The following MYH8 variants were observed in gnomAD, a reference collection of about 807,000 sequenced individuals.
MYH8 encodes myosin heavy chain 8, also known as myosin-8.
Under a neutral mutation model 233.2 loss-of-function variants are expected in MYH8, and 168 were observed. The ratio of observed to expected loss-of-function variants is 0.72; its 90% confidence interval spans 0.64 to 0.82. The LOEUF is 0.82. Among genes scored for constraint, MYH8 ranks in the 40% least tolerant of loss-of-function variants. The probability of loss-of-function intolerance (pLI) is 0.00; values close to 1 mark genes in which losing one functional copy is unlikely to be tolerated. For synonymous variants in MYH8, 785 were observed against 850.6 expected (o/e 0.92, Z 1.34); for missense variants, 1,995 against 2,327.8 (o/e 0.86, Z 2.94).
chr17:10,411,516 T>C (rs1253048131), intron 14 of MYH8, among the ~76,000 whole-genome samples: 1 of 152,214 alleles, frequency 6.6e-6, no homozygotes, highest in African/African-American at 2.4e-5. Flanking sequence ...TGGGCAAGAA[T>C]ATACTTTAAA....
At position 10,406,330 on chromosome 17, in the gene MYH8, T is replaced by C; in HGVS notation, c.2239A>G (p.Lys747Glu). Reference protein sequence around the residue: ...QFIDSKKASEKLLASIDIDHT... With the variant: ...QFIDSKKASEELLASIDIDHT... ...TCAATATCAATAGATGCAAGAAGTT[T>C]CTCAGAAGCCTTCTTGCTGTCAATG... The change falls in exon 20 of 40, where the codon AAA becomes GAA. Residue 747 changes from lysine to glutamate, a missense_variant. Lys to Glu is a moderately conservative substitution (Grantham distance 56, BLOSUM62 1). Transcript: ENST00000403437. 6.2e-7 allele frequency: 1 copy of C among 1,613,990 alleles called. No homozygotes were observed. The highest frequency in any genetic ancestry group is 8.5e-7 in the Non-Finnish European group (1 of 1,179,856).
At position 10,406,817 on chromosome 17, in the gene MYH8, T is replaced by C. The variant is rs764742226; in HGVS notation, c.2054-10A>G. 6.2e-7 allele frequency: 1 copy of C among 1,613,980 alleles called. No homozygotes were observed. The highest frequency in any genetic ancestry group is 1.1e-5 in the South Asian group (1 of 91,076). On this transcript the variant is annotated splice_polypyrimidine_tract_variant and intron_variant, in intron 18 of 39. Transcript: ENST00000403437. ...TCATGTTCCATTGCCCCTAAAAATATAGAACAGTACTTATTAGTGGGCATT... is the reference window on the plus strand; with the variant it reads ...TCATGTTCCATTGCCCCTAAAAATACAGAACAGTACTTATTAGTGGGCATT...
intron 28 of MYH8, 108 bp from the exon 29 acceptor site, chr17:10,398,994 G>GTGTATATATATATATATATATA (rs1555555758): frequency 3.3e-5 from 10 of 305,194 alleles, no homozygotes; most frequent in African/African-American, 2.4e-4. Flanking sequence ...ATGTGTGTGT[G>GTGTATATATATATATATATATA]TATATATATA....
At chr17:10,398,314 A>C in intron 30 of MYH8, 130 bp downstream of exon 30, 2 of 1,329,598 alleles carry the variant, frequency 1.5e-6, no homozygotes, top group South Asian at 1.2e-5. Context: ...ACATGCATAC[A>C]TTATATATAT....
rs1567685307 is a variant in MYH8 at position 10,404,454 on chromosome 17, A to T, written c.2564T>A (p.Met855Lys). Residue 855 changes from methionine (M) to lysine (K), a missense_variant, in exon 22 of 40, where the codon ATG becomes AAG. Physicochemically the swap from Met to Lys is moderately conservative, Grantham distance 95. This residue lies in a region of MYH8 where 1,498 missense variants were observed against 1,680.9 expected (regional missense o/e 0.89). Transcript: ENST00000403437. ...SAETEKEMATMKEEFQKTKDE... is the reference protein window; with the variant it reads ...SAETEKEMATKKEEFQKTKDE... ...TTTGGTTTTCTGGAATTCTTCCTTC[A>T]TGGTGGCCATCTCTTTCTCGGTCTC... 1 of 1,613,746 alleles carries T rather than the reference A, an allele frequency of 6.2e-7. No homozygotes were observed.
intron 22 of MYH8, among the ~76,000 whole-genome samples, chr17:10,403,340 A>G (rs1268511910): frequency 6.6e-6 from 1 of 152,218 alleles, no homozygotes; most frequent in Non-Finnish European, 1.5e-5. Flanking sequence ...AAATCAATCC[A>G]GTCTAATTTA....
At chr17:10,410,572 T>C (rs1472709512) in intron 15 of MYH8, among the ~76,000 whole-genome samples, 1 of 152,212 alleles carries the variant, frequency 6.6e-6, no homozygotes, top group African/African-American at 2.4e-5. Context: ...AGTGTCAGAA[T>C]AAGAATGGTT....
Position 10,390,497 on chromosome 17 carries a change from C to T in MYH8, c.5771G>A (p.Arg1924Gln), listed in dbSNP as rs762026764. Residue 1924 changes from arginine to glutamine, a missense_variant, in exon 40 of 40, where the codon CGA becomes CAA. This residue lies in a region of MYH8 where 1,498 missense variants were observed against 1,680.9 expected (regional missense o/e 0.89). Transcript: ENST00000403437. ...DIAESQVNKL[R>Q]VKSREVHTKI... ...TGTGTGAACCTCTCGGCTCTTCACT[C>T]GCAATTTGTTGACCTGGGACTCAGC... 5.6e-6 allele frequency: 9 copies of T among 1,614,106 alleles called. No individual in the cohort carries two copies. Among genetic ancestry groups the T allele is most frequent in the African/African-American group, 2.7e-5 (2 of 75,052 alleles).
chr17:10,400,106 G>A lies in MYH8; in HGVS notation c.3735+284C>T, dbSNP rs1406627187. 2.6e-5 allele frequency among the ~76,000 whole-genome samples: 4 copies of A among 152,278 alleles called. No individual in the cohort carries two copies. Among genetic ancestry groups the A allele is most frequent in the African/African-American group, 7.2e-5 (3 of 41,558 alleles). On this transcript the variant is annotated intron_variant, in intron 27 of 39. Transcript: ENST00000403437. The surrounding 1 kb of genome is among the most constrained non-coding windows in gnomAD (Gnocchi z 4.0). ...TAGTCCCAGCTACTGGGGAGGCTGA[G>A]GCAGGAGAGTGGCGTGAACCCGGGA...
chr17:10,412,301 A>G (rs1444287675), intron 14 of MYH8, 69 bp downstream of exon 14: 3 of 1,613,870 alleles, frequency 1.9e-6, no homozygotes, highest in Middle Eastern at 1.7e-4. Flanking sequence ...ATGTGGATGA[A>G]TAATGATAAT....
chr17:10,411,879 C>A (rs2072247003), intron 14 of MYH8, among the ~76,000 whole-genome samples: 1 of 152,096 alleles, frequency 6.6e-6, no homozygotes, highest in South Asian at 2.1e-4. Flanking sequence ...TGAACTGATG[C>A]CCTGGAGGTA....
In MYH8 at chr17:10,414,442, T is replaced by C. The variant is rs2072271778; in HGVS notation, c.848A>G (p.Glu283Gly). The C allele has an allele frequency of 1.9e-6, 3 of 1,613,508 alleles. No homozygotes were observed. Among genetic ancestry groups the C allele is most frequent in the South Asian group, 2.2e-5 (2 of 91,068 alleles). Reference protein sequence around the residue: ...KSRVTFQLKAERSYHIFYQIT... With the variant: ...KSRVTFQLKAGRSYHIFYQIT... ...CTGATAAAAAATATGGTAGCTTCTTTCCGCCTTTAGCTGGAAAGTAACTCT... is the reference window on the plus strand; with the variant it reads ...CTGATAAAAAATATGGTAGCTTCTTCCCGCCTTTAGCTGGAAAGTAACTCT... The change falls in exon 10 of 40, where the codon GAA becomes GGA. Residue 283 changes from glutamate to glycine, a missense_variant. Physicochemically the swap from Glu to Gly is moderately conservative, Grantham distance 98. Around this residue, in one of 3 missense-constraint regions of MYH8, gnomAD observed 479 missense variants for 600.9 expected, o/e 0.80. Coordinates refer to ENST00000403437, the MANE Select transcript of MYH8 (RefSeq NM_002472.3).
chr17:10,402,149 A>G (rs902500046), intron 22 of MYH8, among the ~76,000 whole-genome samples: 1 of 152,038 alleles, frequency 6.6e-6, no homozygotes, highest in African/African-American at 2.4e-5. Flanking sequence ...TTCATTCTCA[A>G]TTTTGTGTAT....
In MYH8 at chr17:10,392,963, G is replaced by A. The variant is rs1291823427; in HGVS notation, c.5331C>T (p.Asp1777=). 2 of 1,614,168 alleles carry A rather than the reference G, an allele frequency of 1.2e-6. No homozygotes were observed. Among genetic ancestry groups the A allele is most frequent in the Non-Finnish European group, 1.7e-6 (2 of 1,180,028 alleles). ...TCATCCGCTCCAGGTGGGCGCTGGT[G>A]TCCTGTTCCTTCTTCAGCTCCTCAG... ...MMAEELKKEQ[D]TSAHLERMKK... The change falls in exon 37 of 40, where the codon GAC becomes GAT. Residue 1777 remains aspartate (D), a synonymous_variant. Coordinates refer to ENST00000403437, the MANE Select transcript of MYH8 (RefSeq NM_002472.3).
rs779089202 is a variant in MYH8, at chr17:10,404,379, A to AT, written c.2638dup (p.Met880AsnfsTer10). 1 of 1,613,830 alleles carries AT rather than the reference A, an allele frequency of 6.2e-7. No individual in the cohort carries two copies. Among genetic ancestry groups the AT allele is most frequent in the South Asian group, 1.1e-5 (1 of 91,056 alleles). On this transcript the variant is annotated frameshift_variant, in exon 22 of 40. Coordinates refer to ENST00000403437, the MANE Select transcript of MYH8 (RefSeq NM_002472.3). LOFTEE classifies it high-confidence loss of function. ...ATTTTTCTCTTTTAAGAGAGTGACC[A>AT]TTTTTTCCTCTAGCTCCTTCCGTTT...
Position 10,420,088 on chromosome 17 carries a change from T to C in MYH8, c.140A>G (p.Glu47Gly), listed in dbSNP as rs1344093428. ...TTGTATAGTGCTCTTCACATAGGATTCCTTGGGCTCCGCCACAAAGACAGA... is the reference window on the plus strand; with the variant it reads ...TTGTATAGTGCTCTTCACATAGGATCCCTTGGGCTCCGCCACAAAGACAGA... ...KTSVFVAEPK[E>G]SYVKSTIQSK... is the part of the protein sequence containing the mutation. Residue 47 changes from glutamate (E) to glycine (G), a missense_variant, in exon 3 of 40, where the codon GAA (glutamate) becomes GGA (glycine). Glu to Gly is a moderately conservative substitution (Grantham distance 98). Transcript: ENST00000403437. The C allele has an allele frequency of 2.5e-6, 4 of 1,614,248 alleles. No individual in the cohort carries two copies. The highest frequency in any genetic ancestry group is 3.4e-6 in the Non-Finnish European group (4 of 1,180,044).
chr17:10,407,123 A>C, intron 17 of MYH8, 144 bp from the exon 18 acceptor site: 1 of 721,820 alleles, frequency 1.4e-6, no homozygotes. Context: ...TGAGGGTCTC[A>C]AGAGTTCTAG....
At position 10,417,799 on chromosome 17, in the gene MYH8, G is replaced by C. The variant is rs2072301658; in HGVS notation, c.511+846C>G. ...GTAGAATTGATGGCCAATTTGTAATGGGAGATTCCTATTTTATTCCTTCCT... is the reference window on the plus strand; with the variant it reads ...GTAGAATTGATGGCCAATTTGTAATCGGAGATTCCTATTTTATTCCTTCCT... On this transcript the variant is annotated intron_variant, in intron 5 of 39. Transcript: ENST00000403437. This position sits in a 1 kb window ranked among gnomAD's most constrained non-coding sequence, Gnocchi z 4.1. 6.6e-6 allele frequency among the ~76,000 whole-genome samples: 1 copy of C among 152,108 alleles called. No individual in the cohort carries two copies. The highest frequency in any genetic ancestry group is 2.1e-4 in the South Asian group (1 of 4,816).
At position 10,413,970 on chromosome 17, in the gene MYH8, A is replaced by G; in HGVS notation, c.1079T>C (p.Met360Thr). 27 of 1,614,014 alleles carry G rather than the reference A, an allele frequency of 1.7e-5. No homozygotes were observed. Among genetic ancestry groups the G allele is most frequent in the Non-Finnish European group, 2.3e-5 (27 of 1,180,020 alleles). ...VSIYKLTGAV[M>T]HYGNMKFKQK... The stretch of plus-strand genomic sequence containing the variant: ...CTTGAATTTCATGTTCCCATAATGC[A>G]TCACAGCCCCTGTGAGTTTATAGAT... Residue 360 changes from methionine (M) to threonine (T), a missense_variant, in exon 12 of 40, where the codon ATG becomes ACG. Physicochemically the swap from Met to Thr is moderately conservative, Grantham distance 81. Transcript: ENST00000403437.
Sources: gnomAD v4.1 joint callset for allele counts (sites outside exome capture counted in the v4.1 genomes callset) on GRCh38, gnomAD v4.1.1 for gene constraint, gnomAD v4.1.1 regional missense constraint, Gnocchi (gnomAD v3.1) non-coding constraint, MANE v1.5 for transcripts, NCBI Gene and HGNC (gene_info 2026-07-23, HGNC 2026-07-21) for gene names.